The following PDE4D variants were observed in gnomAD, a reference collection of about 807,000 sequenced individuals.
PDE4D encodes 3',5'-cyclic-AMP phosphodiesterase 4D.
A neutral mutation model predicts 87.4 loss-of-function variants in PDE4D; 24 were observed. The observed-to-expected ratio is 0.27, with a 90% CI of 0.20 to 0.39. PDE4D has a LOEUF of 0.39. Among genes scored for constraint, PDE4D ranks in the 10% least tolerant of loss-of-function variants. PDE4D has a pLI of 1.00. For missense variants in PDE4D, 714 were observed against 1,041.0 expected, an observed-to-expected ratio of 0.69 and a Z score of 4.32; for synonymous variants, 384 against 383.2, an observed-to-expected ratio of 1.00 and a Z score of -0.02.
chr5:59,557,737 G>T (rs1179839945), intron 1 of PDE4D, among the ~76,000 whole-genome samples: 1 of 152,120 alleles, frequency 6.6e-6, no homozygotes, highest in African/African-American at 2.4e-5. Context: ...TAGCAATGTG[G>T]AAATACAGAA....
chr5:60,286,992 G>C (rs1554198953), intron 1 of PDE4D, among the ~76,000 whole-genome samples: 1 of 152,148 alleles, frequency 6.6e-6, no homozygotes, highest in Non-Finnish European at 1.5e-5. Context: ...ACTACTGTTG[G>C]CCTCTGCCAC....
intron 1 of PDE4D, among the ~76,000 whole-genome samples, chr5:60,264,239 C>CA (rs1749945420): frequency 1.3e-5 from 2 of 152,072 alleles, no homozygotes. Context: ...TCCTCAAGCT[C>CA]AAATGTTCAT....
At chr5:60,250,614 A>C (rs1311683906) in intron 1 of PDE4D, among the ~76,000 whole-genome samples, 1 of 152,018 alleles carries the variant, frequency 6.6e-6, no homozygotes, top group African/African-American at 2.4e-5. Context: ...AATGGAAAGC[A>C]GTACTTATAT....
intron 1 of PDE4D, among the ~76,000 whole-genome samples, chr5:59,645,409 G>A (rs936692809): frequency 1.3e-5 from 2 of 152,304 alleles, no homozygotes; most frequent in South Asian, 4.1e-4. Context: ...TACTGATTTT[G>A]CCTATATCAC....
chr5:59,995,393 A>C (rs1433262370), intron 2 of PDE4D, among the ~76,000 whole-genome samples: 1 of 148,406 alleles, frequency 6.7e-6, no homozygotes, highest in Non-Finnish European at 1.5e-5. Context: ...ATCTCAGCTC[A>C]CTGCAACCCT....
At chr5:59,554,718 A>C (rs1456531874) in intron 1 of PDE4D, among the ~76,000 whole-genome samples, 1 of 152,208 alleles carries the variant, frequency 6.6e-6, no homozygotes, top group Non-Finnish European at 1.5e-5. Flanking sequence ...AAACGACTGG[A>C]GGAATCTCAG....
chr5:59,427,338 C>CAG, intron 1 of PDE4D, among the ~76,000 whole-genome samples: 1 of 137,906 alleles, frequency 7.3e-6, no homozygotes, highest in Non-Finnish European at 1.5e-5. Context: ...CACACACACA[C>CAG]GCCCCTATGC....
At chr5:59,016,541 T>C (rs1754051963) in intron 6 of PDE4D, among the ~76,000 whole-genome samples, 1 of 152,138 alleles carries the variant, frequency 6.6e-6, no homozygotes, top group South Asian at 2.1e-4. Flanking sequence ...CTTCATGTGA[T>C]AATTCTCAAA....
intron 1 of PDE4D, among the ~76,000 whole-genome samples, chr5:60,501,078 C>A (rs1750050144): frequency 6.6e-6 from 1 of 151,938 alleles, no homozygotes; most frequent in South Asian, 2.1e-4. Flanking sequence ...TATACATGTG[C>A]CATGCTGGTG....
intron 5 of PDE4D, among the ~76,000 whole-genome samples, chr5:59,042,698 C>G (rs1288823935): frequency 6.6e-6 from 1 of 152,144 alleles, no homozygotes; most frequent in African/African-American, 2.4e-5. Context: ...AAGGCCCCTG[C>G]TACAACAGCA....
chr5:59,020,865 A>G (rs1030345951), intron 6 of PDE4D, among the ~76,000 whole-genome samples: 1 of 152,168 alleles, frequency 6.6e-6, no homozygotes, highest in African/African-American at 2.4e-5. Flanking sequence ...GACTCATGAC[A>G]AAGACCTCAT....
chr5:59,690,163 G>A (rs7708406), intron 1 of PDE4D, among the ~76,000 whole-genome samples: 12,980 of 152,062 alleles, frequency 0.085, 1,722 homozygotes, highest in African/African-American at 0.29. Context: ...TATAGATTCA[G>A]TGCCATCCCC....
chr5:59,083,251 G>A (rs1433708711), intron 5 of PDE4D, among the ~76,000 whole-genome samples: 1 of 150,792 alleles, frequency 6.6e-6, no homozygotes, highest in African/African-American at 2.4e-5. Context: ...CTTTTTTTTT[G>A]TTCTCTGGAA....
intron 1 of PDE4D, among the ~76,000 whole-genome samples, chr5:59,593,718 C>T (rs374752003): frequency 2.1e-4 from 32 of 152,144 alleles, no homozygotes; most frequent in African/African-American, 7.5e-4. Context: ...AGAACCAGTG[C>T]TGGGGTAGAA....
intron 1 of PDE4D, among the ~76,000 whole-genome samples, chr5:59,418,925 T>C (rs1436409500): frequency 6.6e-6 from 1 of 152,172 alleles, no homozygotes; most frequent in Non-Finnish European, 1.5e-5. Context: ...GCTAGGATTA[T>C]GGGTGTGAGT....
At chr5:59,983,508 C>G (rs1447915753) in intron 3 of PDE4D, among the ~76,000 whole-genome samples, 1 of 152,032 alleles carries the variant, frequency 6.6e-6, no homozygotes, top group African/African-American at 2.4e-5. Context: ...ATACAAAGAG[C>G]CCTCAGAAAT....
At chr5:60,468,337 C>T (rs1487836329) in intron 1 of PDE4D, among the ~76,000 whole-genome samples, 3 of 151,936 alleles carry the variant, frequency 2.0e-5, no homozygotes, top group East Asian at 1.9e-4. Flanking sequence ...TGGGATTTTA[C>T]CATGTTGCCC....
chr5:59,376,441 C>T (rs1784748732), intron 1 of PDE4D, among the ~76,000 whole-genome samples: 1 of 152,044 alleles, frequency 6.6e-6, no homozygotes, highest in African/African-American at 2.4e-5. Flanking sequence ...ACAATCACCA[C>T]AAAAAGAATA....
At chr5:59,430,917 T>C (rs577818800) in intron 1 of PDE4D, among the ~76,000 whole-genome samples, 3 of 152,300 alleles carry the variant, frequency 2.0e-5, no homozygotes, top group East Asian at 1.9e-4. Flanking sequence ...TAAACTGTTA[T>C]AGATACTTAG....
Sources: gnomAD v4.1 joint callset for allele counts (sites outside exome capture counted in the v4.1 genomes callset) on GRCh38, gnomAD v4.1.1 for gene constraint, MANE v1.5 for transcripts, NCBI Gene and HGNC (gene_info 2026-07-23, HGNC 2026-07-21) for gene names.